CLSTN2: variants seen among roughly 807,000 people sequenced by gnomAD.
CLSTN2 encodes calsyntenin-2.
In CLSTN2, 48 loss-of-function variants were observed where a neutral mutation model predicts 101.2. The observed-to-expected ratio is 0.47, with a 90% CI of 0.38 to 0.60. The LOEUF (loss-of-function observed/expected upper bound fraction) is 0.60, where lower values mean the gene tolerates loss of function less well. Ranked by LOEUF, CLSTN2 falls within the 20% of genes least tolerant of loss-of-function variation. CLSTN2 has a pLI of 0.00. For synonymous variants in CLSTN2, 481 were observed against 463.6 expected (o/e 1.04, Z -0.48); for missense variants, 1,160 against 1,238.2 (o/e 0.94, Z 0.95).
At chr3:140,387,138 A>C (rs2088062431) in intron 2 of CLSTN2, among the ~76,000 whole-genome samples, 1 of 152,148 alleles carries the variant, frequency 6.6e-6, no homozygotes, top group Non-Finnish European at 1.5e-5. Flanking sequence ...GAGGAGAAAA[A>C]AGATGGGTGA....
chr3:140,116,442 G>T (rs1226799948), intron 1 of CLSTN2, among the ~76,000 whole-genome samples: 1 of 152,138 alleles, frequency 6.6e-6, no homozygotes, highest in Non-Finnish European at 1.5e-5. Context: ...AGACATATTT[G>T]CTGCCTTCTT....
At chr3:140,108,939 C>G (rs962590746) in intron 1 of CLSTN2, among the ~76,000 whole-genome samples, 1 of 152,050 alleles carries the variant, frequency 6.6e-6, no homozygotes, top group Admixed American at 6.5e-5. Flanking sequence ...GCAGAGAGCA[C>G]CCTATGAACT....
chr3:140,413,875 A>T (rs1384432129), intron 4 of CLSTN2, among the ~76,000 whole-genome samples: 1 of 152,152 alleles, frequency 6.6e-6, no homozygotes, highest in Non-Finnish European at 1.5e-5. Flanking sequence ...TTCTCAACAA[A>T]TAATGTATAG....
chr3:140,222,412 T>C (rs1488265965), intron 2 of CLSTN2, among the ~76,000 whole-genome samples: 1 of 152,162 alleles, frequency 6.6e-6, no homozygotes, highest in Non-Finnish European at 1.5e-5. Flanking sequence ...TAGTATTTGA[T>C]AGCACAACAG....
rs1208808303 is a variant in CLSTN2, at chr3:140,573,863, C to T, written c.*7610C>T. On this transcript the variant is annotated 3_prime_UTR_variant, in exon 17 of 17. Transcript: ENST00000458420. ...GGGGAACAGAAGGGAGCTGGTACCTCTGGACCATTGAGGCAACACCTCCCC... is the reference window on the plus strand; with the variant it reads ...GGGGAACAGAAGGGAGCTGGTACCTTTGGACCATTGAGGCAACACCTCCCC... The T allele has an allele frequency of 6.6e-6, 1 of 152,346 alleles. No individual in the cohort carries two copies. The highest frequency in any genetic ancestry group is 2.4e-5 in the African/African-American group (1 of 41,458). The allele number at this position is 152,346 out of a possible 1,614,324, so 9.4% of individuals were successfully genotyped here. A position where few individuals can be genotyped will look rare whatever the true frequency, so the allele number is the denominator to read the frequency against.
chr3:140,292,183 C>G (rs1454665927), intron 2 of CLSTN2, among the ~76,000 whole-genome samples: 1 of 152,168 alleles, frequency 6.6e-6, no homozygotes, highest in Non-Finnish European at 1.5e-5. Context: ...TTTCCTTGCT[C>G]AGGACACCCA....
intron 8 of CLSTN2, among the ~76,000 whole-genome samples, chr3:140,496,028 G>A (rs900673423): frequency 2.0e-5 from 3 of 152,158 alleles, no homozygotes; most frequent in African/African-American, 7.2e-5. Context: ...CATGGGAATA[G>A]CATTGAATCT....
chr3:139,956,231 C>T (rs1935397351), intron 1 of CLSTN2, among the ~76,000 whole-genome samples: 1 of 152,220 alleles, frequency 6.6e-6, no homozygotes, highest in South Asian at 2.1e-4. Flanking sequence ...CAGCCTCCCA[C>T]TTGGTAACAT....
At chr3:139,960,106 G>A (rs1466738346) in intron 1 of CLSTN2, among the ~76,000 whole-genome samples, 1 of 152,170 alleles carries the variant, frequency 6.6e-6, no homozygotes, top group Non-Finnish European at 1.5e-5. Flanking sequence ...CCAGCTTTTA[G>A]TGGGAGAGGG....
chr3:140,182,833 A>G (rs2010429995), intron 2 of CLSTN2, among the ~76,000 whole-genome samples: 1 of 152,184 alleles, frequency 6.6e-6, no homozygotes, highest in Admixed American at 6.5e-5. Flanking sequence ...GTTTACTGGC[A>G]GTAGCTGGGG....
intron 1 of CLSTN2, among the ~76,000 whole-genome samples, chr3:139,965,001 A>G (rs1474849615): frequency 6.6e-6 from 1 of 152,164 alleles, no homozygotes; most frequent in African/African-American, 2.4e-5. Context: ...CAGGCTTCAG[A>G]CAATGCCACT....
chr3:140,452,796 C>A (rs1446276107), intron 6 of CLSTN2: 1 of 152,164 alleles, frequency 6.6e-6, no homozygotes, highest in Non-Finnish European at 1.5e-5. Context: ...ATGGAGGTCC[C>A]CTGAACCTCT....
chr3:140,265,182 G>A (rs191524444), intron 2 of CLSTN2, among the ~76,000 whole-genome samples: 1 of 152,316 alleles, frequency 6.6e-6, no homozygotes, highest in East Asian at 1.9e-4. Context: ...CCCAAACAGT[G>A]AAGCCAAGAA....
intron 1 of CLSTN2, among the ~76,000 whole-genome samples, chr3:140,023,919 C>T (rs1201001738): frequency 1.3e-5 from 2 of 152,226 alleles, no homozygotes; most frequent in Non-Finnish European, 2.9e-5. Flanking sequence ...CACTGCAGGC[C>T]TCACTGCCTC....
intron 2 of CLSTN2, among the ~76,000 whole-genome samples, chr3:140,375,349 G>A (rs2087905115): frequency 6.6e-6 from 1 of 152,218 alleles, no homozygotes; most frequent in African/African-American, 2.4e-5. Flanking sequence ...GTTTGCTTGA[G>A]GAAGGGGACC....
intron 2 of CLSTN2, among the ~76,000 whole-genome samples, chr3:140,194,468 G>T (rs143118836): frequency 6.6e-6 from 1 of 152,138 alleles, no homozygotes; most frequent in African/African-American, 2.4e-5. Flanking sequence ...CATTCAGTCT[G>T]TAGCAGTTTG....
chr3:140,240,174 C>CTCTCTCTCTCTCTCTCTCTCTCTA (rs1311225528), intron 2 of CLSTN2, among the ~76,000 whole-genome samples: 2 of 13,358 alleles, frequency 1.5e-4, no homozygotes, highest in Admixed American at 2.4e-3. Context: ...CTCTCTCTCT[C>CTCTCTCTCTCTCTCTCTCTCTCTA]TATATATATA....
At chr3:139,991,740 CACAA>C (rs1468134024) in intron 1 of CLSTN2, among the ~76,000 whole-genome samples, 9 of 152,210 alleles carry the variant, frequency 5.9e-5, no homozygotes, top group African/African-American at 1.7e-4. Context: ...GGCTCGAACA[CACAA>C]ACAGAGAAAG....
intron 8 of CLSTN2, among the ~76,000 whole-genome samples, chr3:140,524,202 G>A (rs1935090434): frequency 6.6e-6 from 1 of 152,176 alleles, no homozygotes; most frequent in South Asian, 2.1e-4. Flanking sequence ...CTGTAGCATG[G>A]GAAACACTGA....
Sources: allele counts gnomAD v4.1 joint callset (sites outside exome capture counted in the v4.1 genomes callset), GRCh38; gene constraint gnomAD v4.1.1; transcripts MANE v1.5; gene names NCBI Gene and HGNC (gene_info 2026-07-23, HGNC 2026-07-21).